Variants in HIP1 observed in about 807,000 individuals in gnomAD.
HIP1 encodes the protein huntingtin-interacting protein 1.
In HIP1, 65 loss-of-function variants were observed where a neutral mutation model predicts 147.6. The observed-to-expected ratio is 0.44, with a 90% confidence interval of 0.36 to 0.54. The LOEUF is 0.54. Among genes scored for constraint, HIP1 ranks in the 20% least tolerant of loss-of-function variants. The pLI is 0.00. For missense variants in HIP1, 1,061 were observed against 1,299.6 expected (o/e 0.82, Z 2.82); for synonymous variants, 479 against 504.0 (o/e 0.95, Z 0.67).
intron 19 of HIP1, among the ~76,000 whole-genome samples, chr7:75,555,199 G>GA (rs1394565804): frequency 9.4e-6 from 1 of 106,908 alleles, no homozygotes. Context: ...GGGGGGCGGG[G>GA]GGGGGGAAGA....
chr7:75,546,198 T>C (rs1794557295), intron 25 of HIP1, among the ~76,000 whole-genome samples: 1 of 148,768 alleles, frequency 6.7e-6, no homozygotes, highest in South Asian at 2.1e-4. Flanking sequence ...ACACAGTGAA[T>C]ACATTAAAAA....
intron 8 of HIP1, among the ~76,000 whole-genome samples, chr7:75,571,716 G>A (rs978247558): frequency 3.9e-5 from 6 of 152,130 alleles, no homozygotes; most frequent in Non-Finnish European, 7.3e-5. Context: ...CCAGGTAGCT[G>A]GGACTACAGG....
chr7:75,539,195 GAGAGA>G, intron 30 of HIP1, 123 bp downstream of exon 30: 1 of 675,000 alleles, frequency 1.5e-6, no homozygotes, highest in Non-Finnish European at 2.7e-6. Context: ...GTTCCATGAG[GAGAGA>G]AGAGAAGGAA....
At chr7:75,670,911 C>A (rs187497844) in intron 1 of HIP1, among the ~76,000 whole-genome samples, 1 of 150,302 alleles carries the variant, frequency 6.7e-6, no homozygotes, top group Admixed American at 6.7e-5. Flanking sequence ...CGTGAGCCAC[C>A]GCGCCCGGTC....
rs1799432522 is a variant in HIP1 at position 75,664,035 on chromosome 7, TATAC to T, written c.121-64792_121-64789del. On this transcript the variant is annotated intron_variant, in intron 1 of 30. Coordinates refer to ENST00000336926, the MANE Select transcript of HIP1 (RefSeq NM_005338.7). Reference sequence around the variant, plus strand: ...ATATATACACATATATGTGTATATATATACACATATATGTGTATATACACATATA... The same window carrying T: ...ATATATACACATATATGTGTATATATACATATATGTGTATATACACATATA... Among the ~76,000 whole-genome samples, 2 of 73,416 alleles carry T rather than the reference TATAC, an allele frequency of 2.7e-5. 1 individual carries two copies. Among genetic ancestry groups the T allele is most frequent in the African/African-American group, 1.1e-4 (2 of 18,062 alleles). The allele number at this position is 73,416 out of a possible 152,430, so 48.2% of individuals were successfully genotyped here. A position where few individuals can be genotyped will look rare whatever the true frequency, so the allele number is the denominator to read the frequency against.
chr7:75,631,674 T>C (rs35887080), intron 1 of HIP1, among the ~76,000 whole-genome samples: 28,338 of 152,140 alleles, frequency 0.19, 3,011 homozygotes, highest in Non-Finnish European at 0.25. Flanking sequence ...TTATTTTTTC[T>C]TGAATGACCC....
chr7:75,563,952 G>T (rs1795319425), intron 9 of HIP1, among the ~76,000 whole-genome samples: 1 of 152,154 alleles, frequency 6.6e-6, no homozygotes, highest in Non-Finnish European at 1.5e-5. Flanking sequence ...GAGTGCAGTG[G>T]TGCAATCAGA....
chr7:75,615,508 T>C (rs1248396086), intron 1 of HIP1, among the ~76,000 whole-genome samples: 18 of 151,208 alleles, frequency 1.2e-4, no homozygotes, highest in African/African-American at 4.9e-5. Context: ...GCTATGACTG[T>C]GCCACTGCAC....
At chr7:75,674,501 T>G (rs7384999) in intron 1 of HIP1, among the ~76,000 whole-genome samples, 943 of 74,264 alleles carry the variant, frequency 0.013, 9 homozygotes, top group African/African-American at 0.035. Context: ...GGCTTTTTGT[T>G]TTTTTTTTTG....
Position 75,542,920 on chromosome 7 carries a change from C to T in HIP1, c.2821G>A (p.Gly941Arg). The change falls in exon 28 of 31, where the codon GGA becomes AGA. Residue 941 changes from glycine to arginine, a missense_variant. By Grantham distance (125) the Gly-to-Arg change is moderately radical. Around this residue, in one of 3 missense-constraint regions of HIP1, gnomAD observed 810 missense variants for 946.8 expected, o/e 0.86. Transcript: ENST00000336926. Reference protein sequence around the residue: ...NLAQLQQASRGVNQATAGVVA... With the variant: ...NLAQLQQASRRVNQATAGVVA... ...ACGCCGGCAGTGGCCTGGTTCACTC[C>T]CCGAGAGGCCTGCTGCAGCTGGGCT... 12 of 1,614,006 alleles carry T rather than the reference C, an allele frequency of 7.4e-6. No homozygotes were observed. Among genetic ancestry groups the T allele is most frequent in the Non-Finnish European group, 1.0e-5 (12 of 1,179,960 alleles).
In HIP1 at chr7:75,590,603, C is replaced by T. The variant is rs587671100; in HGVS notation, c.384+1453G>A. 2.0e-5 allele frequency among the ~76,000 whole-genome samples: 3 copies of T among 152,202 alleles called. No individual in the cohort carries two copies. The East Asian group carries it at 5.8e-4, about 29-fold the overall frequency. On this transcript the variant is annotated intron_variant, in intron 4 of 30. Coordinates refer to ENST00000336926, the MANE Select transcript of HIP1 (RefSeq NM_005338.7). Reference sequence around the variant, plus strand: ...ATGCCCAGTTAAAAGACAAAGACTACCATCCTGGATAAAAAAACAACAACC... The same window carrying T: ...ATGCCCAGTTAAAAGACAAAGACTATCATCCTGGATAAAAAAACAACAACC...
Position 75,556,132 on chromosome 7 carries a change from T to C in HIP1, c.1721A>G (p.Glu574Gly). The change falls in exon 18 of 31, where the codon GAG becomes GGG. Residue 574 changes from glutamate (E) to glycine (G), a missense_variant. Around this residue, in one of 3 missense-constraint regions of HIP1, gnomAD observed 810 missense variants for 946.8 expected, o/e 0.86. Coordinates refer to ENST00000336926, the MANE Select transcript of HIP1 (RefSeq NM_005338.7). The part of the protein sequence containing the change: ...ANWAAEFAEL[E>G]KERDSLVSGA... ...ACTCACCAGGCTGTCCCGCTCCTTC[T>C]CTAGCTCGGCGAACTCGGCTGCCCA... The C allele has an allele frequency of 6.2e-7, 1 of 1,614,156 alleles. No homozygotes were observed. The highest frequency in any genetic ancestry group is 8.5e-7 in the Non-Finnish European group (1 of 1,180,016).
intron 7 of HIP1, among the ~76,000 whole-genome samples, chr7:75,577,497 G>A (rs587701094): frequency 6.6e-6 from 1 of 152,230 alleles, no homozygotes; most frequent in Non-Finnish European, 1.5e-5. Flanking sequence ...ATAACTCCTG[G>A]ATTCAAGCAA....
chr7:75,738,684 A>T lies in HIP1; in HGVS notation c.120+117T>A. The T allele has an allele frequency of 7.9e-7, 1 of 1,262,842 alleles. No individual in the cohort carries two copies. Among genetic ancestry groups the T allele is most frequent in the Non-Finnish European group, 1.1e-6 (1 of 919,044 alleles). 78.2% of individuals were successfully genotyped at this position (1,262,842 alleles called of 1,614,324 possible). A position where few individuals can be genotyped will look rare whatever the true frequency, so the allele number is the denominator to read the frequency against. ...CTGCACGTCAATGCCCCCGCTCACT[A>T]CACCCTCGCCCCGTCTTCAACTGGG... On this transcript the variant is annotated intron_variant, in intron 1 of 30. Coordinates refer to ENST00000336926, the MANE Select transcript of HIP1 (RefSeq NM_005338.7).
intron 13 of HIP1, among the ~76,000 whole-genome samples, chr7:75,561,078 G>A (rs1360102401): frequency 3.3e-5 from 5 of 151,306 alleles, no homozygotes; most frequent in South Asian, 2.1e-4. Flanking sequence ...TCAGCTTCCC[G>A]AGTAGCTGGG....
rs587610785 is a variant in HIP1 at position 75,545,523 on chromosome 7, T to C, written c.2560-335A>G. On this transcript the variant is annotated intron_variant, in intron 25 of 30. Coordinates refer to ENST00000336926, the MANE Select transcript of HIP1 (RefSeq NM_005338.7). ...TAGGTGTGGTGGTGGGTGCCTGTGA[T>C]CCCAGCTACTCAGGAGGCTGAGGCA... is the stretch of plus-strand genomic sequence containing the variant. Among the ~76,000 whole-genome samples, 133 of 152,248 alleles carry C rather than the reference T, an allele frequency of 8.7e-4. 2 individuals carry two copies. In the Middle Eastern group the frequency reaches 0.02, roughly 23 times the overall value.
At chr7:75,583,405 G>C (rs1796129918) in intron 5 of HIP1, among the ~76,000 whole-genome samples, 1 of 152,150 alleles carries the variant, frequency 6.6e-6, no homozygotes, top group South Asian at 2.1e-4. Context: ...GTCTCAGTCA[G>C]CTCGGGCAGT....
Position 75,536,286 on chromosome 7 carries a change from G to A in HIP1, c.*1886C>T, listed in dbSNP as rs1210139012. The A allele has an allele frequency of 1.0e-5, 2 of 198,578 alleles. No homozygotes were observed. The highest frequency in any genetic ancestry group is 1.6e-4 in the East Asian group (2 of 12,846). 12.3% of individuals were successfully genotyped at this position (198,578 alleles called of 1,614,324 possible). A position where few individuals can be genotyped will look rare whatever the true frequency, so the allele number is the denominator to read the frequency against. ...CACACGTCTGAGTATGGTCATCCGA[G>A]GTCCTGGGAGAGAGTTTTTTGAATG... On this transcript the variant is annotated 3_prime_UTR_variant, in exon 31 of 31. Transcript: ENST00000336926.
At chr7:75,640,510 G>A (rs1206587698) in intron 1 of HIP1, among the ~76,000 whole-genome samples, 1 of 152,182 alleles carries the variant, frequency 6.6e-6, no homozygotes, top group Non-Finnish European at 1.5e-5. Context: ...CCAGCACTTT[G>A]GGAGGCTGAG....
Sources: allele counts gnomAD v4.1 joint callset (sites outside exome capture counted in the v4.1 genomes callset), GRCh38; gene constraint gnomAD v4.1.1; regional missense constraint gnomAD v4.1.1; transcripts MANE v1.5; gene names NCBI Gene and HGNC (gene_info 2026-07-23, HGNC 2026-07-21).